The following TLR1 variants were observed in gnomAD, a reference collection of about 807,000 sequenced individuals.
TLR1 encodes the protein toll like receptor 1.
TLR1 carries 19 observed loss-of-function variants against 20.2 expected under a neutral mutation model. The observed-to-expected ratio is 0.94, with a 90% CI of 0.66 to 1.38. TLR1 has a LOEUF of 1.38. Ranked by LOEUF, TLR1 falls within the 40% of genes most tolerant of loss-of-function variation. The pLI is 0.00. For synonymous variants in TLR1, 320 were observed against 334.5 expected, an observed-to-expected ratio of 0.96 and a Z score of 0.47; for missense variants, 921 against 910.0, an observed-to-expected ratio of 1.01 and a Z score of -0.16.
At chr4:38,795,393 G>T (rs899948812), downstream of TLR1, among the ~76,000 whole-genome samples, 1 of 152,302 alleles carries the variant, frequency 6.6e-6, no homozygotes, top group Middle Eastern at 3.4e-3. Flanking sequence ...GGTATGAAAA[G>T]CATCAGATAT....
At chr4:38,802,752 T>C (rs902839983) in intron 2 of TLR1, among the ~76,000 whole-genome samples, 25 of 152,194 alleles carry the variant, frequency 1.6e-4, no homozygotes, top group African/African-American at 5.8e-4. Context: ...TAGGCCAAGG[T>C]AAACATCCAG....
chr4:38,803,284 C>A (rs1474481146), intron 2 of TLR1, among the ~76,000 whole-genome samples: 2 of 152,162 alleles, frequency 1.3e-5, no homozygotes, highest in Non-Finnish European at 2.9e-5. Context: ...TGGAACCTGG[C>A]CCTGGGCGTG....
At chr4:38,788,596 GCT>G (rs1725653913), downstream of TLR1, among the ~76,000 whole-genome samples, 2 of 152,296 alleles carry the variant, frequency 1.3e-5, no homozygotes, top group African/African-American at 4.8e-5. Context: ...CCAGGGCTCT[GCT>G]AGAGCCAGCT....
chr4:38,802,441 G>C (rs1391473904), intron 2 of TLR1, among the ~76,000 whole-genome samples: 1 of 152,188 alleles, frequency 6.6e-6, no homozygotes, highest in Non-Finnish European at 1.5e-5. Context: ...AGGGAAAAAT[G>C]TCTCCAATGA....
In TLR1 at chr4:38,798,914, T is replaced by C. The variant is rs1023579286; in HGVS notation, c.-67-16A>G. On this transcript the variant is annotated splice_polypyrimidine_tract_variant and intron_variant, in intron 3 of 3. Transcript: ENST00000308979. Reference sequence around the variant, plus strand: ...GATACAGATTCTAGAAAAAAAATAATGAAATGATGAAATACATTACATACA... The same window carrying C: ...GATACAGATTCTAGAAAAAAAATAACGAAATGATGAAATACATTACATACA... 177 of 1,080,698 alleles carry C rather than the reference T, an allele frequency of 1.6e-4. 1 individual carries two copies. The highest frequency in any genetic ancestry group is 3.2e-4 in the Middle Eastern group (1 of 3,124). The allele number at this position is 1,080,698 out of a possible 1,614,324, so 66.9% of individuals were successfully genotyped here.
At chr4:38,794,838 A>G (rs910108204), downstream of TLR1, among the ~76,000 whole-genome samples, 1 of 142,528 alleles carries the variant, frequency 7.0e-6, no homozygotes, top group Non-Finnish European at 1.6e-5. Flanking sequence ...TTCCCACTCA[A>G]AAAAGTAGAG....
At position 38,796,780 on chromosome 4, in the gene TLR1, G is replaced by T. The variant is rs777372219; in HGVS notation, c.2052C>A (p.Ile684=). ...VPGKSIVENI[I]TCIEKSYKSI... ...ACTTGTAACTCTTCTCAATGCAGGT[G>T]ATGATATTTTCCACAATGCTCTTGC... The change falls in exon 4 of 4, where the codon ATC becomes ATA. Residue 684 remains isoleucine (I), a synonymous_variant. Coordinates refer to ENST00000308979, the MANE Select transcript of TLR1 (RefSeq NM_003263.4). 2 of 1,614,110 alleles carry T rather than the reference G, an allele frequency of 1.2e-6. No homozygotes were observed. The highest frequency in any genetic ancestry group is 1.7e-6 in the Non-Finnish European group (2 of 1,180,062).
chr4:38,796,091 G>A (rs1015780352), downstream of TLR1, among the ~76,000 whole-genome samples: 1 of 152,188 alleles, frequency 6.6e-6, no homozygotes, highest in Non-Finnish European at 1.5e-5. Flanking sequence ...ATCAAAAGCT[G>A]TAGAAATCTG....
chr4:38,794,074 C>G (rs1265031709), downstream of TLR1, among the ~76,000 whole-genome samples: 1 of 152,128 alleles, frequency 6.6e-6, no homozygotes, highest in African/African-American at 2.4e-5. Context: ...GGACTTTCAG[C>G]CTCCAGAACT....
chr4:38,788,287 TAAAATACAA>T (rs1213515551), downstream of TLR1, among the ~76,000 whole-genome samples: 1 of 151,690 alleles, frequency 6.6e-6, no homozygotes, highest in Non-Finnish European at 1.5e-5. Context: ...AGGGAGAAAA[TAAAATACAA>T]GGCTAAACAA....
downstream of TLR1, among the ~76,000 whole-genome samples, chr4:38,794,269 T>C (rs1163951714): frequency 1.3e-5 from 2 of 152,248 alleles, no homozygotes; most frequent in Non-Finnish European, 2.9e-5. Flanking sequence ...CTTACAATTT[T>C]TGCAATTCCA....
intron 3 of TLR1, among the ~76,000 whole-genome samples, chr4:38,800,025 G>A (rs1428200124): frequency 6.6e-6 from 1 of 152,144 alleles, no homozygotes; most frequent in Admixed American, 6.5e-5. Context: ...GTAAATTGTA[G>A]GTATGAGACA....
chr4:38,787,687 A>G (rs965248021), downstream of TLR1, among the ~76,000 whole-genome samples: 1 of 152,102 alleles, frequency 6.6e-6, no homozygotes, highest in Admixed American at 6.5e-5. Flanking sequence ...TTTTTATATA[A>G]TGTCTTTGAA....
Position 38,798,040 on chromosome 4 carries a change from G to A in TLR1, c.792C>T (p.Ile264=). 11 of 1,613,998 alleles carry A rather than the reference G, an allele frequency of 6.8e-6. No homozygotes were observed. Among genetic ancestry groups the A allele is most frequent in the Non-Finnish European group, 9.3e-6 (11 of 1,179,918 alleles). ...IETTWNSFIR[I]LQLVWHTTVW... is the part of the protein sequence containing the mutation. ...CAGTTGTATGCCAAACCAGCTGGAG[G>A]ATCCTAATGAAAGAATTCCAAGTTG... Residue 264 remains isoleucine, a synonymous_variant, in exon 4 of 4, where the codon ATC becomes ATT. Coordinates refer to ENST00000308979, the MANE Select transcript of TLR1 (RefSeq NM_003263.4).
chr4:38,797,163 C>A lies in TLR1; in HGVS notation c.1669G>T (p.Asp557Tyr), dbSNP rs1180465029. Residue 557 changes from aspartate to tyrosine, a missense_variant, in exon 4 of 4, where the codon GAC becomes TAC. Physicochemically the swap from Asp to Tyr is radical, Grantham distance 160. Coordinates refer to ENST00000308979, the MANE Select transcript of TLR1 (RefSeq NM_003263.4). ...LEGWPDSYKC[D>Y]YPESYRGTLL... is the part of the protein sequence containing the mutation. The stretch of plus-strand genomic sequence containing the variant: ...GTTCCTCTATAACTTTCCGGGTAGT[C>A]ACACTTATAAGAATCAGGCCAGCCC... The A allele has an allele frequency of 6.2e-7, 1 of 1,614,220 alleles. No homozygotes were observed. Among genetic ancestry groups the A allele is most frequent in the South Asian group, 1.1e-5 (1 of 91,086 alleles).
rs201964388 is a variant in TLR1, at chr4:38,797,427, C to T, written c.1405G>A (p.Ala469Thr). 6.2e-7 allele frequency: 1 copy of T among 1,614,202 alleles called. No individual in the cohort carries two copies. Among genetic ancestry groups the T allele is most frequent in the Non-Finnish European group, 8.5e-7 (1 of 1,180,034 alleles). Residue 469 changes from alanine (A) to threonine (T), a missense_variant, in exon 4 of 4, where the codon GCT (alanine) becomes ACT (threonine). Transcript: ENST00000308979. ...SIPKQVVKLE[A>T]LQELNVAFNS... ...AAAGCAACATTGAGTTCTTGCAAAG[C>T]TTCCAGTTTTACGACTTGTTTAGGA...
At chr4:38,796,220 A>G (rs1256273478), downstream of TLR1, 1 of 461,284 alleles carries the variant, frequency 2.2e-6, no homozygotes, top group African/African-American at 1.9e-5. Context: ...TGATAAATTC[A>G]GAACTCAGTT....
chr4:38,797,944 G>A lies in TLR1; in HGVS notation c.888C>T (p.Gly296=). ...GTATAGACAAGGCCTTCAAGGAAGT[G>A]CCAGAATAATCAAAATCTCTGAAGT... ...QLDFRDFDYS[G]TSLKALSIHQ... Residue 296 remains glycine, a synonymous_variant, in exon 4 of 4, where the codon GGC becomes GGT. Coordinates refer to ENST00000308979, the MANE Select transcript of TLR1 (RefSeq NM_003263.4). 1 of 1,614,168 alleles carries A rather than the reference G, an allele frequency of 6.2e-7. No homozygotes were observed. The highest frequency in any genetic ancestry group is 8.5e-7 in the Non-Finnish European group (1 of 1,180,030).
Position 38,798,774 on chromosome 4 carries a change from G to A in TLR1, c.58C>T (p.Gln20Ter). 2 of 1,611,440 alleles carry A rather than the reference G, an allele frequency of 1.2e-6. No individual in the cohort carries two copies. The highest frequency in any genetic ancestry group is 2.2e-5 in the South Asian group (2 of 90,588). The change falls in exon 4 of 4, where the codon CAA (glutamine) becomes TAA (stop). Residue 20 changes from glutamine to a stop codon, truncating the protein, a stop_gained. Coordinates refer to ENST00000308979, the MANE Select transcript of TLR1 (RefSeq NM_003263.4). LOFTEE classifies it low-confidence loss of function (END_TRUNC). ...IFMLILQIRIQLSEESEFLVD... is the reference protein window; with the variant it reads ...IFMLILQIRI Reference sequence around the variant, plus strand: ...AAAAATTCACTTTCTTCAGATAATTGTATTCTGATCTGAAGTATTAACATG... The same window carrying A: ...AAAAATTCACTTTCTTCAGATAATTATATTCTGATCTGAAGTATTAACATG...
Sources: allele counts gnomAD v4.1 joint callset (sites outside exome capture counted in the v4.1 genomes callset), GRCh38; gene constraint gnomAD v4.1.1; transcripts MANE v1.5; gene names NCBI Gene and HGNC (gene_info 2026-07-23, HGNC 2026-07-21).